NUP210: variants seen among roughly 807,000 people sequenced by gnomAD.
NUP210 encodes nuclear pore membrane glycoprotein 210.
A neutral mutation model predicts 196.0 loss-of-function variants in NUP210; 151 were observed. The observed-to-expected ratio is 0.77, with a 90% confidence interval of 0.67 to 0.88. NUP210 has a LOEUF of 0.88. Ranked by LOEUF, NUP210 falls within the 40% of genes least tolerant of loss-of-function variation. The probability of loss-of-function intolerance (pLI) is 0.00; values close to 1 mark genes in which losing one functional copy is unlikely to be tolerated. For synonymous variants in NUP210, 1,070 were observed against 1,052.7 expected (o/e 1.02, Z -0.32); for missense variants, 2,314 against 2,493.7 (o/e 0.93, Z 1.53).
intron 12 of NUP210, 128 bp from the exon 13 acceptor site, chr3:13,372,160 C>T: frequency 1.1e-6 from 1 of 881,430 alleles, no homozygotes; most frequent in Non-Finnish European, 1.7e-6. Context: ...CTGTCACGGG[C>T]AGTGGGGTGA....
chr3:13,404,176 A>G (rs1699928690), intron 1 of NUP210, among the ~76,000 whole-genome samples: 1 of 152,232 alleles, frequency 6.6e-6, no homozygotes, highest in Admixed American at 6.5e-5. Flanking sequence ...GAACTGCAAC[A>G]GCCACCAATT....
chr3:13,322,925 A>C (rs1453919424), intron 34 of NUP210, among the ~76,000 whole-genome samples: 1 of 152,192 alleles, frequency 6.6e-6, no homozygotes, highest in African/African-American at 2.4e-5. Flanking sequence ...GGGGTTCAAC[A>C]TTCTATGCAT....
At chr3:13,372,789 C>T (rs1219805399) in intron 12 of NUP210, among the ~76,000 whole-genome samples, 1 of 152,190 alleles carries the variant, frequency 6.6e-6, no homozygotes, top group African/African-American at 2.4e-5. Context: ...TGAGTGCAAG[C>T]CCCGCCAGCT....
chr3:13,340,794 AGCC>A lies in NUP210; in HGVS notation c.3229-499_3229-497del, dbSNP rs1276769918. On this transcript the variant is annotated intron_variant, in intron 23 of 39. Transcript: ENST00000254508. The surrounding 1 kb of genome is among the most constrained non-coding windows in gnomAD (Gnocchi z 4.0). The stretch of plus-strand genomic sequence containing the variant: ...GCTCTTCTAGCACACCCTCCGGATT[AGCC>A]TGGGAGGAGACCAGGGACGTTGGTG... Among the ~76,000 whole-genome samples the A allele has an allele frequency of 2.0e-5, 3 of 152,224 alleles. No individual in the cohort carries two copies. Among genetic ancestry groups the A allele is most frequent in the Middle Eastern group, 3.4e-3 (1 of 294 alleles).
rs998509031 is a variant in NUP210 at position 13,368,950 on chromosome 3, T to C, written c.1787-2859A>G. ...CAACACCTTTGGATGTGCACCCAGA[T>C]GCAGGATTGCCTGCTGGATCATACG... On this transcript the variant is annotated intron_variant, in intron 13 of 39. Transcript: ENST00000254508. 2.0e-5 allele frequency among the ~76,000 whole-genome samples: 3 copies of C among 152,378 alleles called. No homozygotes were observed. In the South Asian group the frequency reaches 6.2e-4, roughly 32 times the overall value.
chr3:13,327,295 C>T lies in NUP210; in HGVS notation c.4429G>A (p.Ala1477Thr). 1 of 1,613,504 alleles carries T rather than the reference C, an allele frequency of 6.2e-7. No homozygotes were observed. Among genetic ancestry groups the T allele is most frequent in the South Asian group, 1.1e-5 (1 of 91,082 alleles). ...SDFMPLPVLQAISPELSGAMV... is the reference protein window; with the variant it reads ...SDFMPLPVLQTISPELSGAMV... Reference sequence around the variant, plus strand: ...GCCCCAGACAGCTCTGGGGAGATGGCCTGTAGGACAGGCAGGGGCATGAAG... The same window carrying T: ...GCCCCAGACAGCTCTGGGGAGATGGTCTGTAGGACAGGCAGGGGCATGAAG... Residue 1477 changes from alanine to threonine, a missense_variant, in exon 32 of 40, where the codon GCC (alanine) becomes ACC (threonine). Ala to Thr is a moderately conservative substitution (Grantham distance 58). Coordinates refer to ENST00000254508, the MANE Select transcript of NUP210 (RefSeq NM_024923.4).
chr3:13,370,650 C>T (rs1219145873), intron 13 of NUP210, among the ~76,000 whole-genome samples: 1 of 152,242 alleles, frequency 6.6e-6, no homozygotes, highest in Non-Finnish European at 1.5e-5. Context: ...AAATGATTAC[C>T]TGGCAATGAC....
rs536555672 is a variant in NUP210 at position 13,367,617 on chromosome 3, C to T, written c.1787-1526G>A. Among the ~76,000 whole-genome samples, 8 of 152,216 alleles carry T rather than the reference C, an allele frequency of 5.3e-5. No homozygotes were observed. In the East Asian group the frequency reaches 9.7e-4, roughly 18 times the overall value. ...CCCTAAAGGAAAACCGCCCCCCTGG[C>T]GCCTACCAGCACAACTGAATCATGC... is the stretch of plus-strand genomic sequence containing the variant. On this transcript the variant is annotated intron_variant, in intron 13 of 39. Transcript: ENST00000254508.
At chr3:13,356,018 T>C (rs542133278) in intron 16 of NUP210, among the ~76,000 whole-genome samples, 13 of 152,344 alleles carry the variant, frequency 8.5e-5, no homozygotes, top group African/African-American at 2.6e-4. Context: ...GCTGGCCTGA[T>C]TGTAGAGCCC....
At chr3:13,354,973 G>A (rs1210153651) in intron 16 of NUP210, among the ~76,000 whole-genome samples, 1 of 152,180 alleles carries the variant, frequency 6.6e-6, no homozygotes, top group East Asian at 1.9e-4. Flanking sequence ...CATAGCATGG[G>A]GGCAGTGTGG....
intron 20 of NUP210, among the ~76,000 whole-genome samples, chr3:13,346,703 G>C (rs62232828): frequency 0.012 from 1,802 of 152,350 alleles, 13 homozygotes; most frequent in South Asian, 0.027. Context: ...TGTCCCGACA[G>C]GTGGCGACTG....
intron 13 of NUP210, among the ~76,000 whole-genome samples, chr3:13,368,649 C>G (rs1430351451): frequency 6.6e-6 from 1 of 152,216 alleles, no homozygotes; most frequent in Non-Finnish European, 1.5e-5. Flanking sequence ...TTTTATTACT[C>G]TAGGTATCTC....
chr3:13,331,724 CGT>C (rs1697002504), intron 29 of NUP210, among the ~76,000 whole-genome samples: 1 of 152,158 alleles, frequency 6.6e-6, no homozygotes, highest in Admixed American at 6.5e-5. Context: ...TCCTGTGGCC[CGT>C]GGAGTCTCCC....
At chr3:13,396,906 T>C (rs1699674865) in intron 3 of NUP210, among the ~76,000 whole-genome samples, 1 of 152,170 alleles carries the variant, frequency 6.6e-6, no homozygotes, top group Non-Finnish European at 1.5e-5. Flanking sequence ...AAATGTGACC[T>C]GACCCACAAA....
chr3:13,365,885 G>A, intron 14 of NUP210, 61 bp downstream of exon 14: 2 of 1,563,390 alleles, frequency 1.3e-6, no homozygotes, highest in Non-Finnish European at 1.8e-6. Flanking sequence ...GAGCAAATGG[G>A]TAATTTGCAT....
intron 1 of NUP210, among the ~76,000 whole-genome samples, chr3:13,407,660 T>C (rs1340393789): frequency 6.6e-6 from 1 of 152,160 alleles, no homozygotes; most frequent in Non-Finnish European, 1.5e-5. Context: ...CCCACAGGTA[T>C]GCTGTCCAAC....
rs1188028797 is a variant in NUP210 at position 13,347,784 on chromosome 3, T to A, written c.2835+4095A>T. On this transcript the variant is annotated intron_variant, in intron 20 of 39. Transcript: ENST00000254508. This position sits in a 1 kb window ranked among gnomAD's most constrained non-coding sequence, Gnocchi z 4.7. ...TCCCTCGGAAACAGTCGCCTGCAACTGTTTCTGAAGCAACCAGGACTTGCT... is the reference window on the plus strand; with the variant it reads ...TCCCTCGGAAACAGTCGCCTGCAACAGTTTCTGAAGCAACCAGGACTTGCT... Among the ~76,000 whole-genome samples, 1 of 152,232 alleles carries A rather than the reference T, an allele frequency of 6.6e-6. No homozygotes were observed. The highest frequency in any genetic ancestry group is 1.5e-5 in the Non-Finnish European group (1 of 68,044).
At chr3:13,335,654 C>T (rs762125073) in intron 27 of NUP210, 42 bp from the exon 28 acceptor site, 1 of 1,600,412 alleles carries the variant, frequency 6.2e-7, no homozygotes, top group South Asian at 1.1e-5. Context: ...AAGGCCCAGG[C>T]CCCTGTGTCC....
At chr3:13,362,979 T>C (rs1264039635) in intron 14 of NUP210, among the ~76,000 whole-genome samples, 1 of 152,174 alleles carries the variant, frequency 6.6e-6, no homozygotes, top group South Asian at 2.1e-4. Flanking sequence ...GGATATACCA[T>C]CATTTGCTTC....
Sources: gnomAD v4.1 joint callset for allele counts (sites outside exome capture counted in the v4.1 genomes callset) on GRCh38, gnomAD v4.1.1 for gene constraint, Gnocchi (gnomAD v3.1) non-coding constraint, MANE v1.5 for transcripts, NCBI Gene and HGNC (gene_info 2026-07-23, HGNC 2026-07-21) for gene names.